MAPK4: variants seen among roughly 807,000 people sequenced by gnomAD.
The protein encoded by MAPK4 is mitogen-activated protein kinase 4.
A neutral mutation model predicts 47.7 loss-of-function variants in MAPK4; 22 were observed. That is an observed-to-expected ratio of 0.46 (90% CI 0.33 to 0.66). The LOEUF (loss-of-function observed/expected upper bound fraction) is 0.66. Ranked by LOEUF, MAPK4 falls within the 30% of genes least tolerant of loss-of-function variation. The pLI, the probability that MAPK4 is intolerant of heterozygous loss-of-function variation, is 0.02. For missense variants in MAPK4, 736 were observed against 831.7 expected (o/e 0.88, Z 1.42); for synonymous variants, 390 against 365.7 (o/e 1.07, Z -0.76).
chr18:50,664,003 C>T lies in MAPK4; in HGVS notation c.45C>T (p.Asp15=), dbSNP rs765272318. 1 of 1,613,284 alleles carries T rather than the reference C, an allele frequency of 6.2e-7. No homozygotes were observed. The highest frequency in any genetic ancestry group is 8.5e-7 in the Non-Finnish European group (1 of 1,179,814). ...GCATCGCCAGTGTCTATGGGTATGA[C>T]CTCGGTGGGCGCTTTGTTGACTTCC... ...GDCIASVYGY[D]LGGRFVDFQP... is the part of the protein sequence containing the mutation. The change falls in exon 2 of 6, where the codon GAC becomes GAT. Residue 15 remains aspartate, a synonymous_variant. Transcript: ENST00000400384. The surrounding 1 kb of genome is among the most constrained non-coding windows in gnomAD (Gnocchi z 6.0).
At chr18:50,726,723 C>T (rs1911220940) in intron 5 of MAPK4, among the ~76,000 whole-genome samples, 1 of 152,000 alleles carries the variant, frequency 6.6e-6, no homozygotes, top group Non-Finnish European at 1.5e-5. Context: ...CAAAGCAAGA[C>T]CCCATCTCTA....
intron 2 of MAPK4, among the ~76,000 whole-genome samples, chr18:50,676,154 C>A (rs1311716505): frequency 6.6e-6 from 1 of 152,200 alleles, no homozygotes; most frequent in Non-Finnish European, 1.5e-5. Context: ...ACAGGACTTT[C>A]TTTACCCTCA....
intron 2 of MAPK4, chr18:50,704,933 C>G (rs1435438563): frequency 2.5e-6 from 1 of 396,726 alleles, no homozygotes; most frequent in East Asian, 3.6e-5. Context: ...TGCTTTTGGA[C>G]TCACATTTTC....
intron 3 of MAPK4, among the ~76,000 whole-genome samples, chr18:50,717,997 A>T (rs1910730513): frequency 6.6e-6 from 1 of 152,232 alleles, no homozygotes; most frequent in Admixed American, 6.5e-5. Flanking sequence ...AGAAAGTCAG[A>T]CAAGGGCCTC....
intron 1 of MAPK4, among the ~76,000 whole-genome samples, chr18:50,562,503 T>A (rs4550559): frequency 6.6e-6 from 1 of 151,552 alleles, no homozygotes; most frequent in Non-Finnish European, 1.5e-5. Flanking sequence ...CAGGGCCAGC[T>A]GAACCTTCCA....
At chr18:50,621,971 C>T (rs758153283) in intron 1 of MAPK4, among the ~76,000 whole-genome samples, 4 of 152,262 alleles carry the variant, frequency 2.6e-5, no homozygotes, top group Non-Finnish European at 5.9e-5. Context: ...TTGTAAGTCT[C>T]TGCCACTGGG....
At chr18:50,562,525 C>T (rs1047475771) in intron 1 of MAPK4, among the ~76,000 whole-genome samples, 2 of 151,950 alleles carry the variant, frequency 1.3e-5, no homozygotes, top group African/African-American at 2.4e-5. Context: ...CCCCTCACTC[C>T]AAACTGATAC....
chr18:50,703,772 G>A (rs1346562804), intron 2 of MAPK4, among the ~76,000 whole-genome samples: 1 of 152,200 alleles, frequency 6.6e-6, no homozygotes, highest in African/African-American at 2.4e-5. Context: ...TTATAAATAA[G>A]CTTCACTGGT....
At chr18:50,587,888 C>T (rs990670781) in intron 1 of MAPK4, among the ~76,000 whole-genome samples, 2 of 152,008 alleles carry the variant, frequency 1.3e-5, no homozygotes, top group African/African-American at 2.4e-5. Context: ...ACCACCACGC[C>T]CAGCTCATTT....
intron 5 of MAPK4, among the ~76,000 whole-genome samples, chr18:50,726,745 T>C (rs1911222435): frequency 1.3e-5 from 2 of 151,972 alleles, no homozygotes; most frequent in Admixed American, 1.3e-4. Flanking sequence ...AAATTTTTTT[T>C]TTTAATTAGC....
At chr18:50,693,376 C>T (rs917153340) in intron 2 of MAPK4, among the ~76,000 whole-genome samples, 4 of 152,208 alleles carry the variant, frequency 2.6e-5, no homozygotes, top group Admixed American at 6.5e-5. Flanking sequence ...AAATCCGCAG[C>T]GGACTACGAG....
At position 50,729,246 on chromosome 18, in the gene MAPK4, T is replaced by C; in HGVS notation, c.1156T>C (p.Ser386Pro). The C allele has an allele frequency of 2.5e-6, 4 of 1,608,586 alleles. No homozygotes were observed. The highest frequency in any genetic ancestry group is 2.7e-5 in the African/African-American group (2 of 74,944). The change falls in exon 6 of 6, where the codon TCG (serine) becomes CCG (proline). Residue 386 changes from serine to proline, a missense_variant. By Grantham distance (74) the Ser-to-Pro change is moderately conservative. Coordinates refer to ENST00000400384, the MANE Select transcript of MAPK4 (RefSeq NM_002747.4). ...GGTACAGCGCGACCCGCGCGCGGGT[T>C]CGGCGCCACTGGCTGAGGACGTGCA... The part of the protein sequence containing the change: ...SEVQRDPRAG[S>P]APLAEDVQVD...
intron 1 of MAPK4, among the ~76,000 whole-genome samples, chr18:50,561,812 G>C (rs1342843346): frequency 6.6e-6 from 1 of 152,090 alleles, no homozygotes; most frequent in Non-Finnish European, 1.5e-5. Flanking sequence ...GGCTTGCTCT[G>C]GAACCTCTTT....
intron 2 of MAPK4, among the ~76,000 whole-genome samples, chr18:50,689,277 A>G (rs1267639762): frequency 6.6e-6 from 1 of 152,152 alleles, no homozygotes; most frequent in Non-Finnish European, 1.5e-5. Flanking sequence ...GCAAGCCTGT[A>G]ATCCCAGCTA....
At chr18:50,596,897 G>A (rs1485317922) in intron 1 of MAPK4, among the ~76,000 whole-genome samples, 1 of 152,224 alleles carries the variant, frequency 6.6e-6, no homozygotes, top group Non-Finnish European at 1.5e-5. Flanking sequence ...CAGCTCTACT[G>A]CACTCATTAC....
In MAPK4 at chr18:50,730,347, C is replaced by G. The variant is rs906464271; in HGVS notation, c.*493C>G. The stretch of plus-strand genomic sequence containing the variant: ...GGCCCCCAGGCCAGGGTCTGTCCAC[C>G]ATAGAATGTCTTCCTCTACTGGGGT... On this transcript the variant is annotated 3_prime_UTR_variant, in exon 6 of 6. Coordinates refer to ENST00000400384, the MANE Select transcript of MAPK4 (RefSeq NM_002747.4). 49 of 153,732 alleles carry G rather than the reference C, an allele frequency of 3.2e-4. No homozygotes were observed. The highest frequency in any genetic ancestry group is 1.2e-3 in the African/African-American group (48 of 41,506). The allele number at this position is 153,732 out of a possible 1,614,324, so 9.5% of individuals were successfully genotyped here.
intron 1 of MAPK4, among the ~76,000 whole-genome samples, chr18:50,600,906 T>G (rs1395900367): frequency 6.6e-6 from 1 of 152,094 alleles, no homozygotes; most frequent in African/African-American, 2.4e-5. Context: ...TGTTCATTCC[T>G]TGTTCATAAA....
chr18:50,593,853 A>G (rs578203820), intron 1 of MAPK4, among the ~76,000 whole-genome samples: 1 of 152,334 alleles, frequency 6.6e-6, no homozygotes, highest in Non-Finnish European at 1.5e-5. Context: ...GGATATATAT[A>G]TATATGAAAG....
chr18:50,579,473 A>G (rs1052959677), intron 1 of MAPK4, among the ~76,000 whole-genome samples: 3 of 152,208 alleles, frequency 2.0e-5, no homozygotes, highest in Non-Finnish European at 4.4e-5. Context: ...CTTGAGAGGT[A>G]TGTGTGGAAG....
Sources: gnomAD v4.1 joint callset for allele counts (sites outside exome capture counted in the v4.1 genomes callset) on GRCh38, gnomAD v4.1.1 for gene constraint, Gnocchi (gnomAD v3.1) non-coding constraint, MANE v1.5 for transcripts, NCBI Gene and HGNC (gene_info 2026-07-23, HGNC 2026-07-21) for gene names.